Variants in SH3TC1 observed in about 807,000 individuals in gnomAD.
SH3TC1 encodes the protein SH3 domain and tetratricopeptide repeats 1, also known as SH3 domain and tetratricopeptide repeat-containing protein 1.
In SH3TC1, 135 loss-of-function variants were observed where a neutral mutation model predicts 117.3. The ratio of observed to expected loss-of-function variants is 1.15; its 90% CI spans 1.00 to 1.33. The LOEUF is 1.33. Among genes scored for constraint, SH3TC1 ranks in the 40% most tolerant of loss-of-function variants. The pLI is 0.00. For synonymous variants in SH3TC1, 898 were observed against 816.9 expected (o/e 1.10, Z -1.69); for missense variants, 2,092 against 1,794.3 (o/e 1.17, Z -3.00).
Position 8,240,776 on chromosome 4 carries a change from A to G in SH3TC1, c.3832A>G (p.Lys1278Glu). 1 of 1,594,492 alleles carries G rather than the reference A, an allele frequency of 6.3e-7. No homozygotes were observed. Among genetic ancestry groups the G allele is most frequent in the East Asian group, 2.3e-5 (1 of 44,034 alleles). ...VDLGNKKAQL[K>E]IYTRLATIYH... ...CCTGGGCAACAAGAAGGCACAGCTG[A>G]AGATCTACACGCGGCTGGCCACCAT... Residue 1278 changes from lysine to glutamate, a missense_variant, in exon 18 of 18, where the codon AAG (lysine) becomes GAG (glutamate). Coordinates refer to ENST00000245105, the MANE Select transcript of SH3TC1 (RefSeq NM_018986.5).
intron 4 of SH3TC1, among the ~76,000 whole-genome samples, chr4:8,213,476 GACACATAGTACCTGCTCA>G (rs1457867262): frequency 6.6e-6 from 1 of 152,194 alleles, no homozygotes; most frequent in Non-Finnish European, 1.5e-5. Flanking sequence ...CAGGCTGCTG[GACACATAGTACCTGCTCA>G]ACACGTGGGG....
chr4:8,219,190 T>C (rs1303361745), intron 8 of SH3TC1, 145 bp from the exon 9 acceptor site: 20 of 723,406 alleles, frequency 2.8e-5, no homozygotes, highest in Admixed American at 6.5e-5. Flanking sequence ...CCCTCCCTCA[T>C]TGCGGAAACC....
rs1195387376 is a variant in SH3TC1, at chr4:8,190,961, C to A, written c.-57+8751C>A. Among the ~76,000 whole-genome samples the A allele has an allele frequency of 6.6e-6, 1 of 152,170 alleles. No homozygotes were observed. The highest frequency in any genetic ancestry group is 1.5e-5 in the Non-Finnish European group (1 of 68,026). On this transcript the variant is annotated intron_variant, in intron 1 of 16. Transcript: ENST00000508641. The surrounding 1 kb of genome is among the most constrained non-coding windows in gnomAD (Gnocchi z 4.7). The stretch of plus-strand genomic sequence containing the variant: ...CCAGCCCTGGCTCTGTGATTTTACC[C>A]TCTCCGCACCTCTGTTCCTTGTGGT...
rs189527040 is a variant in SH3TC1 at position 8,206,374 on chromosome 4, G to C, written c.172+1008G>C. The stretch of plus-strand genomic sequence containing the variant: ...TGGAATCGCGTTCCCTCCAGGGCAG[G>C]CCTCATGAAAGGAAGGGGCTGCGCT... On this transcript the variant is annotated intron_variant, in intron 2 of 17. Coordinates refer to ENST00000245105, the MANE Select transcript of SH3TC1 (RefSeq NM_018986.5). This position sits in a 1 kb window ranked among gnomAD's most constrained non-coding sequence, Gnocchi z 5.5. Among the ~76,000 whole-genome samples the C allele has an allele frequency of 6.6e-6, 1 of 151,852 alleles. No individual in the cohort carries two copies. The highest frequency in any genetic ancestry group is 2.4e-5 in the African/African-American group (1 of 41,338).
In SH3TC1 at chr4:8,205,385, C is replaced by T. The variant is rs1718118051; in HGVS notation, c.172+19C>T. ...AGAGGCGGTGAGTTCATTCCACCCT[C>T]ACCACCCGCCCTCCATCCCACCCAC... On this transcript the variant is annotated intron_variant, in intron 2 of 17. Coordinates refer to ENST00000245105, the MANE Select transcript of SH3TC1 (RefSeq NM_018986.5). This position sits in a 1 kb window ranked among gnomAD's most constrained non-coding sequence, Gnocchi z 5.4. 2.6e-6 allele frequency: 4 copies of T among 1,534,600 alleles called. No individual in the cohort carries two copies. Among genetic ancestry groups the T allele is most frequent in the Non-Finnish European group, 3.5e-6 (4 of 1,138,886 alleles).
intron 1 of SH3TC1, among the ~76,000 whole-genome samples, chr4:8,187,906 T>G (rs182257954): frequency 6.6e-6 from 1 of 152,324 alleles, no homozygotes; most frequent in Non-Finnish European, 1.5e-5. Flanking sequence ...TGTGTTTTGT[T>G]GCTCACTTTG....
chr4:8,190,509 G>A lies in SH3TC1; in HGVS notation c.-57+8299G>A, dbSNP rs911682218. Among the ~76,000 whole-genome samples the A allele has an allele frequency of 6.6e-6, 1 of 152,134 alleles. No individual in the cohort carries two copies. Among genetic ancestry groups the A allele is most frequent in the Non-Finnish European group, 1.5e-5 (1 of 68,014 alleles). On this transcript the variant is annotated intron_variant, in intron 1 of 16. Transcript: ENST00000508641. This position sits in a 1 kb window ranked among gnomAD's most constrained non-coding sequence, Gnocchi z 4.7. ...GGGATCTGATGTCCCCGGGCTCTTG[G>A]GAGAATGGCAGCCTTGCAGCCCCTG...
At chr4:8,194,377 G>A (rs571022818), upstream of SH3TC1, among the ~76,000 whole-genome samples, 1 of 152,262 alleles carries the variant, frequency 6.6e-6, no homozygotes, top group East Asian at 1.9e-4. Context: ...CCAGGCCATC[G>A]TGGCCATGCC....
chr4:8,209,492 C>T lies in SH3TC1; in HGVS notation c.173-256C>T, dbSNP rs965266252. Among the ~76,000 whole-genome samples, 11 of 152,148 alleles carry T rather than the reference C, an allele frequency of 7.2e-5. No individual in the cohort carries two copies. The highest frequency in any genetic ancestry group is 1.9e-4 in the East Asian group (1 of 5,194). ...TGTGAGGCCCATTGGAACTTGAGAG[C>T]GGCGGGATCATACGAGTCGTGTGGT... On this transcript the variant is annotated intron_variant, in intron 2 of 17. Coordinates refer to ENST00000245105, the MANE Select transcript of SH3TC1 (RefSeq NM_018986.5). This position sits in a 1 kb window ranked among gnomAD's most constrained non-coding sequence, Gnocchi z 5.9.
At chr4:8,233,032 G>A (rs1242470924) in intron 13 of SH3TC1, 20 of 1,214,568 alleles carry the variant, frequency 1.6e-5, no homozygotes, top group African/African-American at 3.1e-5. Context: ...GAGAACCATC[G>A]GCCTGGATAG....
At chr4:8,200,190 G>C (rs895138732) in intron 1 of SH3TC1, among the ~76,000 whole-genome samples, 1 of 152,218 alleles carries the variant, frequency 6.6e-6, no homozygotes, top group Non-Finnish European at 1.5e-5. Flanking sequence ...CAGGGCCAGG[G>C]GCAGCCTGCA....
Position 8,217,049 on chromosome 4 carries a change from T to G in SH3TC1, c.721T>G (p.Ser241Ala), listed in dbSNP as rs772151570. 3.7e-6 allele frequency: 6 copies of G among 1,613,298 alleles called. No individual in the cohort carries two copies. In the East Asian group the frequency reaches 1.3e-4, roughly 36 times the overall value. ...GNGPQALRQA[S>A]GAPQGEAAPE... ...TGGCCCCCAGGCCCTCAGGCAGGCT[T>G]CGGGGGCACCCCAGGGAGAGGCGGC... Residue 241 changes from serine (S) to alanine (A), a missense_variant, in exon 7 of 18, where the codon TCG becomes GCG. By Grantham distance (99) the Ser-to-Ala change is moderately conservative. Coordinates refer to ENST00000245105, the MANE Select transcript of SH3TC1 (RefSeq NM_018986.5).
chr4:8,184,316 T>C (rs566535876), intron 1 of SH3TC1, among the ~76,000 whole-genome samples: 1 of 152,366 alleles, frequency 6.6e-6, no homozygotes, highest in South Asian at 2.1e-4. Flanking sequence ...GACTTAACAG[T>C]TCTGTTCCAG....
Position 8,205,149 on chromosome 4 carries a change from C to T in SH3TC1, c.-28-18C>T, listed in dbSNP as rs113556908. On this transcript the variant is annotated intron_variant, in intron 1 of 17. Coordinates refer to ENST00000245105, the MANE Select transcript of SH3TC1 (RefSeq NM_018986.5). The surrounding 1 kb of genome is among the most constrained non-coding windows in gnomAD (Gnocchi z 5.4). ...CTGGAGGGGCCACCTCTCCTGACCA[C>T]ACCCCCTCTGTCCACAGGGCCAGGC... is the stretch of plus-strand genomic sequence containing the variant. The T allele has an allele frequency of 7.7e-4, 1,128 of 1,459,302 alleles. 6 individuals are homozygous for T. The African/African-American group carries it at 0.012, about 15-fold the overall frequency. The allele number at this position is 1,459,302 out of a possible 1,614,324, so 90.4% of individuals were successfully genotyped here. A position where few individuals can be genotyped will look rare whatever the true frequency, so the allele number is the denominator to read the frequency against.
rs1718086198 is a variant in SH3TC1, at chr4:8,205,093, C to G, written c.-28-74C>G. On this transcript the variant is annotated intron_variant, in intron 1 of 17. Coordinates refer to ENST00000245105, the MANE Select transcript of SH3TC1 (RefSeq NM_018986.5). This position sits in a 1 kb window ranked among gnomAD's most constrained non-coding sequence, Gnocchi z 5.4. Reference sequence around the variant, plus strand: ...CAACGCTGGTGTTCTCTTTCTGGACCCCAGGCCTGGACACAACCTCCGTGC... The same window carrying G: ...CAACGCTGGTGTTCTCTTTCTGGACGCCAGGCCTGGACACAACCTCCGTGC... 4 of 1,274,328 alleles carry G rather than the reference C, an allele frequency of 3.1e-6. No individual in the cohort carries two copies. Among genetic ancestry groups the G allele is most frequent in the African/African-American group, 1.5e-5 (1 of 66,288 alleles). The allele number at this position is 1,274,328 out of a possible 1,614,324, so 78.9% of individuals were successfully genotyped here. A position where few individuals can be genotyped will look rare whatever the true frequency, so the allele number is the denominator to read the frequency against.
At position 8,232,982 on chromosome 4, in the gene SH3TC1, A is replaced by T. The variant is rs879645386; in HGVS notation, c.3132-381A>T. 2.6e-4 allele frequency: 312 copies of T among 1,196,706 alleles called. 2 individuals carry two copies. The highest frequency in any genetic ancestry group is 1.5e-3 in the Middle Eastern group (4 of 2,636). 74.1% of individuals were successfully genotyped at this position (1,196,706 alleles called of 1,614,324 possible). A position where few individuals can be genotyped will look rare whatever the true frequency, so the allele number is the denominator to read the frequency against. ...CTCTGGGGGCAGGCCAGCAAGCTAT[A>T]TGGACAGGCCTCTGGATGACTGTGA... On this transcript the variant is annotated intron_variant, in intron 13 of 17. Coordinates refer to ENST00000245105, the MANE Select transcript of SH3TC1 (RefSeq NM_018986.5).
intron 12 of SH3TC1, among the ~76,000 whole-genome samples, chr4:8,230,060 C>T (rs548052698): frequency 7.3e-4 from 111 of 151,808 alleles, no homozygotes; most frequent in African/African-American, 2.4e-3. Context: ...CCCCACCCCG[C>T]GTTGAACAGT....
chr4:8,213,760 C>G (rs1277022986), intron 4 of SH3TC1, among the ~76,000 whole-genome samples: 1 of 151,914 alleles, frequency 6.6e-6, no homozygotes. Flanking sequence ...GTTAGCCAGG[C>G]GTGATGGTGT....
At chr4:8,235,793 T>C in intron 15 of SH3TC1, 1 of 446,250 alleles carries the variant, frequency 2.2e-6, no homozygotes, top group Non-Finnish European at 3.8e-6. Context: ...CAAGCAACCT[T>C]GAGTGGGAAG....
Sources: gnomAD v4.1 joint callset for allele counts (sites outside exome capture counted in the v4.1 genomes callset) on GRCh38, gnomAD v4.1.1 for gene constraint, Gnocchi (gnomAD v3.1) non-coding constraint, MANE v1.5 for transcripts, NCBI Gene and HGNC (gene_info 2026-07-23, HGNC 2026-07-21) for gene names.